The following FAM169A variants were observed in gnomAD, a reference collection of about 807,000 sequenced individuals.
The protein encoded by FAM169A is soluble lamin-associated protein of 75 kDa.
FAM169A carries 24 observed loss-of-function variants against 75.7 expected under a neutral mutation model. The observed-to-expected ratio is 0.32, with a 90% confidence interval of 0.23 to 0.45. The LOEUF (loss-of-function observed/expected upper bound fraction) is 0.45. Among genes scored for constraint, FAM169A ranks in the 20% least tolerant of loss-of-function variants. FAM169A has a pLI of 1.00. For synonymous variants in FAM169A, 271 were observed against 271.0 expected (o/e 1.00, Z 0.00); for missense variants, 673 against 784.0 (o/e 0.86, Z 1.69).
intron 1 of FAM169A, among the ~76,000 whole-genome samples, chr5:74,849,711 C>T (rs893873244): frequency 3.9e-5 from 6 of 152,136 alleles, no homozygotes; most frequent in African/African-American, 1.4e-4. Flanking sequence ...CCCTGTACTA[C>T]ATCAGCTCAA....
intron 11 of FAM169A, 58 bp from the exon 12 acceptor site, chr5:74,783,192 T>C (rs1012275203): frequency 2.3e-6 from 3 of 1,305,502 alleles, no homozygotes; most frequent in Non-Finnish European, 3.2e-6. Flanking sequence ...AACTTATTTG[T>C]CATGCATGAC....
intron 5 of FAM169A, among the ~76,000 whole-genome samples, chr5:74,818,553 G>C (rs1318329714): frequency 1.3e-5 from 2 of 151,950 alleles, no homozygotes; most frequent in Admixed American, 6.6e-5. Context: ...AAAATGTGCT[G>C]AAAGAACCCA....
chr5:74,863,050 G>T (rs1230175069), intron 1 of FAM169A, among the ~76,000 whole-genome samples: 6 of 150,928 alleles, frequency 4.0e-5, no homozygotes, highest in Non-Finnish European at 8.8e-5. Context: ...GGCAGGGGTG[G>T]GAGGAATCTA....
chr5:74,778,228 A>G lies in FAM169A; in HGVS notation c.*3232T>C, dbSNP rs1745220462. On this transcript the variant is annotated 3_prime_UTR_variant, in exon 13 of 13. Coordinates refer to ENST00000687041, the MANE Select transcript of FAM169A (RefSeq NM_001376049.1). ...CTAATCACACCCATGAAAGACGACT[A>G]GATGACACCTGAAACATTTTTCAAA... The G allele has an allele frequency of 6.6e-6, 1 of 152,088 alleles. No homozygotes were observed. Among genetic ancestry groups the G allele is most frequent in the South Asian group, 2.1e-4 (1 of 4,836 alleles). 9.4% of individuals were successfully genotyped at this position (152,088 alleles called of 1,614,324 possible).
chr5:74,818,621 T>C (rs530591229), intron 5 of FAM169A, among the ~76,000 whole-genome samples: 100 of 149,426 alleles, frequency 6.7e-4, no homozygotes, highest in African/African-American at 2.3e-3. Context: ...TCCTTATTTA[T>C]ATAAAATCCT....
intron 5 of FAM169A, among the ~76,000 whole-genome samples, chr5:74,822,089 G>A (rs1451038436): frequency 6.6e-6 from 1 of 152,176 alleles, no homozygotes; most frequent in Non-Finnish European, 1.5e-5. Context: ...TGAGCACAGT[G>A]TTATGCATTC....
chr5:74,792,671 C>T (rs965577658), intron 11 of FAM169A, among the ~76,000 whole-genome samples: 6 of 152,136 alleles, frequency 3.9e-5, no homozygotes, highest in African/African-American at 7.2e-5. Flanking sequence ...CTGACTAATA[C>T]ACTAATTATC....
chr5:74,808,292 A>C (rs1210081429), intron 6 of FAM169A, among the ~76,000 whole-genome samples: 1 of 152,224 alleles, frequency 6.6e-6, no homozygotes, highest in Non-Finnish European at 1.5e-5. Flanking sequence ...ATCCAGCCAT[A>C]AAAAGGAATG....
At chr5:74,791,043 G>C (rs1354289519) in intron 11 of FAM169A, among the ~76,000 whole-genome samples, 2 of 152,182 alleles carry the variant, frequency 1.3e-5, no homozygotes, top group Non-Finnish European at 2.9e-5. Context: ...CATTGCCTCT[G>C]AACAAGGCAC....
At chr5:74,785,190 G>A (rs1170533659) in intron 11 of FAM169A, among the ~76,000 whole-genome samples, 2 of 151,322 alleles carry the variant, frequency 1.3e-5, no homozygotes, top group South Asian at 2.1e-4. Flanking sequence ...ATGGTGGCAG[G>A]CGCCTGTAAT....
Position 74,801,633 on chromosome 5 carries a change from A to G in FAM169A, c.913-4T>C. On this transcript the variant is annotated splice_region_variant and splice_polypyrimidine_tract_variant and intron_variant, in intron 8 of 12. Transcript: ENST00000687041. ...AGGCATCTTTTAGAGAATCAATCTA[A>G]AAAAGAGAGAGATTCAAACCCAAAG... is the stretch of plus-strand genomic sequence containing the variant. 1 of 1,607,734 alleles carries G rather than the reference A, an allele frequency of 6.2e-7. No individual in the cohort carries two copies. The highest frequency in any genetic ancestry group is 8.5e-7 in the Non-Finnish European group (1 of 1,176,780).
chr5:74,835,757 A>G (rs1480283728), intron 4 of FAM169A, among the ~76,000 whole-genome samples: 4 of 152,206 alleles, frequency 2.6e-5, no homozygotes, highest in African/African-American at 7.2e-5. Context: ...GGGATCTCAC[A>G]TAACAAACAT....
Position 74,866,172 on chromosome 5 carries a change from G to T in FAM169A, c.-11C>A. 1.0e-6 allele frequency: 1 copy of T among 983,950 alleles called. No homozygotes were observed. The highest frequency in any genetic ancestry group is 1.2e-6 in the Non-Finnish European group (1 of 829,222). The allele number at this position is 983,950 out of a possible 1,614,324, so 61.0% of individuals were successfully genotyped here. A position where few individuals can be genotyped will look rare whatever the true frequency, so the allele number is the denominator to read the frequency against. ...GAGAGGGAGCGCACTCACCTCAGAC[G>T]CGCCCCGGGAGCCGCTGGAAGAGCC... On this transcript the variant is annotated 5_prime_UTR_variant, in exon 1 of 13. Transcript: ENST00000687041.
chr5:74,799,622 T>C, intron 10 of FAM169A: 1 of 1,422,546 alleles, frequency 7.0e-7, no homozygotes, highest in Non-Finnish European at 9.9e-7. Context: ...GTCCACGGGG[T>C]CAGCTTCTCC....
At chr5:74,819,278 A>G (rs1313583725) in intron 5 of FAM169A, among the ~76,000 whole-genome samples, 1 of 152,150 alleles carries the variant, frequency 6.6e-6, no homozygotes, top group Non-Finnish European at 1.5e-5. Context: ...AGATACACAA[A>G]TGGCCAATAA....
At chr5:74,840,034 G>T (rs1404478803) in intron 3 of FAM169A, 40 bp downstream of exon 3, 5 of 1,091,954 alleles carry the variant, frequency 4.6e-6, no homozygotes, top group Non-Finnish European at 6.7e-6. Context: ...ACAGTTTGGA[G>T]AAAAATTCCT....
chr5:74,801,668 A>G (rs1561296176), intron 8 of FAM169A, 39 bp from the exon 9 acceptor site: 11 of 1,494,868 alleles, frequency 7.4e-6, no homozygotes, highest in Admixed American at 1.8e-5. Context: ...GTTTTAGACT[A>G]TTTTTTCTCC....
intron 6 of FAM169A, among the ~76,000 whole-genome samples, chr5:74,812,691 A>T (rs1199418351): frequency 6.6e-6 from 1 of 152,176 alleles, no homozygotes; most frequent in Non-Finnish European, 1.5e-5. Context: ...TTCTCCAAAG[A>T]AGATATACAA....
intron 6 of FAM169A, among the ~76,000 whole-genome samples, chr5:74,809,979 G>A (rs762548119): frequency 2.6e-5 from 4 of 152,064 alleles, no homozygotes; most frequent in Admixed American, 6.6e-5. Context: ...GACACTCTTA[G>A]GTATTCGCTA....
Sources: allele counts gnomAD v4.1 joint callset (sites outside exome capture counted in the v4.1 genomes callset), GRCh38; gene constraint gnomAD v4.1.1; transcripts MANE v1.5; gene names NCBI Gene and HGNC (gene_info 2026-07-23, HGNC 2026-07-21).